BICD1: variants seen among roughly 807,000 people sequenced by gnomAD.
The protein encoded by BICD1 is BICD cargo adaptor 1, also known as protein bicaudal D homolog 1.
A neutral mutation model predicts 92.5 loss-of-function variants in BICD1; 35 were observed. The observed-to-expected ratio is 0.38, with a 90% CI of 0.29 to 0.50. The LOEUF is 0.50. Among genes scored for constraint, BICD1 ranks in the 20% least tolerant of loss-of-function variants. BICD1 has a pLI of 0.93. For synonymous variants in BICD1, 429 were observed against 465.1 expected (o/e 0.92, Z 1.00); for missense variants, 950 against 1,189.8 (o/e 0.80, Z 2.97).
rs140091394 is a variant in BICD1, at chr12:32,357,157, G to A, written c.2765-10513G>A. ...CTCCTGAGTAGCTGGGATTACAGGC[G>A]CACGCCACCACGCCCGGATAATTTT... On this transcript the variant is annotated intron_variant, in intron 8 of 9. Transcript: ENST00000652176. Among the ~76,000 whole-genome samples the A allele has an allele frequency of 7.2e-5, 11 of 151,770 alleles. No individual in the cohort carries two copies. In the East Asian group the frequency reaches 2.1e-3, roughly 29 times the overall value.
chr12:32,165,377 G>T (rs192986853), intron 1 of BICD1, among the ~76,000 whole-genome samples: 21 of 152,254 alleles, frequency 1.4e-4, no homozygotes, highest in African/African-American at 4.6e-4. Flanking sequence ...TTAGACGGGC[G>T]TGGTGGCGGG....
intron 1 of BICD1, among the ~76,000 whole-genome samples, chr12:32,131,539 A>G (rs1014681921): frequency 2.0e-5 from 3 of 152,202 alleles, no homozygotes; most frequent in African/African-American, 4.8e-5. Context: ...AAACAGTTGC[A>G]TGGTGATTTG....
At chr12:32,175,477 C>G (rs932576303) in intron 1 of BICD1, among the ~76,000 whole-genome samples, 3 of 152,070 alleles carry the variant, frequency 2.0e-5, no homozygotes, top group South Asian at 2.1e-4. Flanking sequence ...CCACCAAGCC[C>G]AGCTAATTTT....
chr12:32,277,133 C>T (rs887648625), intron 2 of BICD1, among the ~76,000 whole-genome samples: 1 of 152,208 alleles, frequency 6.6e-6, no homozygotes, highest in Admixed American at 6.5e-5. Flanking sequence ...GTGGCTCACT[C>T]CTGTAATCCC....
At chr12:32,331,041 G>C (rs1428889892) in intron 5 of BICD1, among the ~76,000 whole-genome samples, 1 of 152,100 alleles carries the variant, frequency 6.6e-6, no homozygotes, top group Non-Finnish European at 1.5e-5. Flanking sequence ...GGCTGAGGCA[G>C]GAGAATCACT....
chr12:32,231,549 T>C (rs1249770108), intron 2 of BICD1, among the ~76,000 whole-genome samples: 1 of 149,776 alleles, frequency 6.7e-6, no homozygotes, highest in Non-Finnish European at 1.5e-5. Flanking sequence ...ATTCTTTTAA[T>C]TTGTGACTGC....
intron 2 of BICD1, among the ~76,000 whole-genome samples, chr12:32,265,224 G>A (rs546702164): frequency 2.0e-4 from 30 of 152,128 alleles, no homozygotes; most frequent in Admixed American, 5.9e-4. Context: ...ACAAGGCCTC[G>A]TGTTCAGTCT....
chr12:32,307,615 G>C (rs1592649062), intron 4 of BICD1, among the ~76,000 whole-genome samples: 1 of 152,192 alleles, frequency 6.6e-6, no homozygotes, highest in South Asian at 2.1e-4. Flanking sequence ...ATTAGAGGCT[G>C]TTAAGCCTCT....
chr12:32,332,387 AAAAT>A, intron 5 of BICD1: 1 of 957,176 alleles, frequency 1.0e-6, no homozygotes, highest in Non-Finnish European at 1.2e-6. Context: ...TTAAAAGTTA[AAAAT>A]AAATAAATAG....
chr12:32,262,967 A>G (rs1216396405), intron 2 of BICD1, among the ~76,000 whole-genome samples: 1 of 151,250 alleles, frequency 6.6e-6, no homozygotes, highest in Non-Finnish European at 1.5e-5. Flanking sequence ...AACATGGTGA[A>G]ATCTCGTCTC....
intron 1 of BICD1, among the ~76,000 whole-genome samples, chr12:32,171,940 TAC>T (rs61038844): frequency 0.098 from 13,771 of 140,608 alleles, 701 homozygotes; most frequent in Middle Eastern, 0.15. Flanking sequence ...TCTCAAAAAA[TAC>T]ACACACACAC....
At chr12:32,173,417 A>C (rs1456107373) in intron 1 of BICD1, among the ~76,000 whole-genome samples, 1 of 152,194 alleles carries the variant, frequency 6.6e-6, no homozygotes, top group Non-Finnish European at 1.5e-5. Flanking sequence ...GATTCCTTAA[A>C]GTGATGCCTT....
At chr12:32,349,846 G>A (rs1384496829) in intron 8 of BICD1, among the ~76,000 whole-genome samples, 4 of 152,154 alleles carry the variant, frequency 2.6e-5, no homozygotes, top group South Asian at 2.1e-4. Flanking sequence ...TTCTGACAAC[G>A]TGCCAACACT....
intron 2 of BICD1, among the ~76,000 whole-genome samples, chr12:32,258,604 G>C (rs1240034112): frequency 6.6e-6 from 1 of 151,936 alleles, no homozygotes; most frequent in Non-Finnish European, 1.5e-5. Flanking sequence ...TCGTATACAA[G>C]ACAACGGGGC....
At chr12:32,351,205 G>A (rs1938857145) in intron 8 of BICD1, among the ~76,000 whole-genome samples, 1 of 151,306 alleles carries the variant, frequency 6.6e-6, no homozygotes. Context: ...AAATTTTGTG[G>A]CCAGGTGTGG....
intron 1 of BICD1, among the ~76,000 whole-genome samples, chr12:32,166,184 G>A (rs942078358): frequency 1.3e-5 from 2 of 150,548 alleles, no homozygotes; most frequent in Non-Finnish European, 3.0e-5. Flanking sequence ...CACCCAGGCT[G>A]GAGTGCAGTG....
intron 2 of BICD1, among the ~76,000 whole-genome samples, chr12:32,287,898 C>T (rs1947617379): frequency 6.6e-6 from 1 of 152,178 alleles, no homozygotes; most frequent in Non-Finnish European, 1.5e-5. Flanking sequence ...CATCTGACAG[C>T]CCCACTGGGC....
chr12:32,166,563 A>C (rs1469479989), intron 1 of BICD1, among the ~76,000 whole-genome samples: 1 of 152,200 alleles, frequency 6.6e-6, no homozygotes, highest in East Asian at 1.9e-4. Context: ...ATCCAGTCTC[A>C]AATGTCGGTA....
chr12:32,303,592 G>T (rs1948125308), intron 3 of BICD1, among the ~76,000 whole-genome samples: 1 of 152,144 alleles, frequency 6.6e-6, no homozygotes, highest in Non-Finnish European at 1.5e-5. Flanking sequence ...TGTCCTTAAA[G>T]GGAGACAGTG....
Sources: allele counts gnomAD v4.1 joint callset (sites outside exome capture counted in the v4.1 genomes callset), GRCh38; gene constraint gnomAD v4.1.1; transcripts MANE v1.5; gene names NCBI Gene and HGNC (gene_info 2026-07-23, HGNC 2026-07-21).